The following FAM53B variants were observed in gnomAD, a reference collection of about 807,000 sequenced individuals.
The protein encoded by FAM53B is family with sequence similarity 53 member B.
Under a neutral mutation model 32.7 loss-of-function variants are expected in FAM53B, and 12 were observed. The ratio of observed to expected loss-of-function variants is 0.37; its 90% CI spans 0.24 to 0.59. FAM53B has a LOEUF of 0.59. Ranked by LOEUF, FAM53B falls within the 20% of genes least tolerant of loss-of-function variation. The pLI, the probability that FAM53B is intolerant of heterozygous loss-of-function variation, is 0.72. For missense variants in FAM53B, 477 were observed against 577.7 expected, an observed-to-expected ratio of 0.83 and a Z score of 1.79; for synonymous variants, 234 against 228.7, an observed-to-expected ratio of 1.02 and a Z score of -0.21.
intron 4 of FAM53B, among the ~76,000 whole-genome samples, chr10:124,639,798 T>C (rs1420939904): frequency 6.6e-6 from 1 of 151,960 alleles, no homozygotes; most frequent in East Asian, 1.9e-4. Context: ...TGGAGACAGA[T>C]GCCTGGGGCG....
intron 3 of FAM53B, among the ~76,000 whole-genome samples, chr10:124,694,235 G>A (rs985218360): frequency 3.3e-5 from 5 of 152,236 alleles, no homozygotes; most frequent in Non-Finnish European, 5.9e-5. Context: ...GACCCAGCCA[G>A]CACTTCCTAA....
chr10:124,708,338 C>A (rs1288273549), intron 1 of FAM53B, among the ~76,000 whole-genome samples: 1 of 152,190 alleles, frequency 6.6e-6, no homozygotes, highest in Non-Finnish European at 1.5e-5. Context: ...CTGGCAAGCA[C>A]AGGAAAATTA....
chr10:124,623,745 G>T (rs997653121), intron 4 of FAM53B, 141 bp from the exon 5 acceptor site: 4 of 895,006 alleles, frequency 4.5e-6, no homozygotes, highest in Non-Finnish European at 6.5e-6. Context: ...AGGCAAGGAC[G>T]GGCCCATGAG....
At chr10:124,638,345 T>G (rs949713575) in intron 4 of FAM53B, among the ~76,000 whole-genome samples, 4 of 151,936 alleles carry the variant, frequency 2.6e-5, no homozygotes, top group Admixed American at 6.6e-5. Context: ...ACTCCAGCAC[T>G]CCAGCCTGGG....
chr10:124,739,974 A>AC (rs1564892826), intron 1 of FAM53B, among the ~76,000 whole-genome samples: 2 of 152,168 alleles, frequency 1.3e-5, no homozygotes, highest in African/African-American at 4.8e-5. Flanking sequence ...AACAAAAAAA[A>AC]CGACAAGAAA....
At chr10:124,693,780 T>C (rs1949850525) in intron 3 of FAM53B, among the ~76,000 whole-genome samples, 1 of 152,180 alleles carries the variant, frequency 6.6e-6, no homozygotes, top group Non-Finnish European at 1.5e-5. Context: ...CCTCCACATC[T>C]CACGGGAGTT....
intron 4 of FAM53B, among the ~76,000 whole-genome samples, chr10:124,628,173 G>A (rs1949367940): frequency 6.6e-6 from 1 of 152,182 alleles, no homozygotes; most frequent in Non-Finnish European, 1.5e-5. Flanking sequence ...TAGTGACCCA[G>A]AACCCACTCT....
chr10:124,688,512 C>T (rs1227718824), intron 3 of FAM53B, among the ~76,000 whole-genome samples: 1 of 152,246 alleles, frequency 6.6e-6, no homozygotes, highest in Non-Finnish European at 1.5e-5. Flanking sequence ...GGGCCCAGTT[C>T]TCTCACAGTC....
At chr10:124,661,022 C>T (rs1949627357) in intron 4 of FAM53B, among the ~76,000 whole-genome samples, 1 of 146,462 alleles carries the variant, frequency 6.8e-6, no homozygotes, top group South Asian at 2.1e-4. Flanking sequence ...GCCATGAAAC[C>T]AAAGGCCACC....
chr10:124,726,436 C>G (rs1950103901), intron 1 of FAM53B, among the ~76,000 whole-genome samples: 1 of 152,184 alleles, frequency 6.6e-6, no homozygotes. Flanking sequence ...GAGGCTGAAC[C>G]AACCACCCAG....
chr10:124,684,585 T>C (rs1949791587), intron 3 of FAM53B, among the ~76,000 whole-genome samples: 1 of 152,210 alleles, frequency 6.6e-6, no homozygotes, highest in African/African-American at 2.4e-5. Context: ...AGTGGCATAA[T>C]CTCAGCTCAC....
chr10:124,735,439 G>T (rs1483482457), intron 1 of FAM53B, among the ~76,000 whole-genome samples: 5 of 152,196 alleles, frequency 3.3e-5, no homozygotes, highest in African/African-American at 9.6e-5. Context: ...CAGACACACT[G>T]CAAACTAAAC....
intron 4 of FAM53B, among the ~76,000 whole-genome samples, chr10:124,655,866 T>C (rs1200886063): frequency 1.3e-5 from 2 of 152,202 alleles, no homozygotes; most frequent in African/African-American, 4.8e-5. Context: ...ATTGTCTATC[T>C]GTCTACACTA....
intron 1 of FAM53B, among the ~76,000 whole-genome samples, chr10:124,735,582 C>T (rs1312696122): frequency 1.3e-5 from 2 of 152,250 alleles, no homozygotes; most frequent in African/African-American, 2.4e-5. Context: ...AGTTGAAGTC[C>T]CCTCTGCTCT....
intron 3 of FAM53B, among the ~76,000 whole-genome samples, chr10:124,695,550 C>T (rs964884777): frequency 2.0e-5 from 3 of 152,182 alleles, no homozygotes; most frequent in African/African-American, 7.2e-5. Context: ...TAGGCACTTA[C>T]CTAGCCACTG....
chr10:124,668,052 C>A (rs1175180752), intron 4 of FAM53B, among the ~76,000 whole-genome samples: 1 of 152,216 alleles, frequency 6.6e-6, no homozygotes, highest in Non-Finnish European at 1.5e-5. Flanking sequence ...CCAGGCCAGA[C>A]ACTGCCTTCC....
chr10:124,680,832 G>T (rs1047718586), intron 4 of FAM53B, among the ~76,000 whole-genome samples: 1 of 152,200 alleles, frequency 6.6e-6, no homozygotes, highest in Non-Finnish European at 1.5e-5. Context: ...CCATCCTTGA[G>T]TCAGAGGTCA....
intron 4 of FAM53B, among the ~76,000 whole-genome samples, chr10:124,637,994 C>T (rs1052447568): frequency 6.6e-6 from 1 of 152,204 alleles, no homozygotes; most frequent in African/African-American, 2.4e-5. Context: ...GGGCTGCAAC[C>T]CTGATGCCTG....
chr10:124,630,977 C>A (rs973889232), intron 4 of FAM53B, among the ~76,000 whole-genome samples: 1 of 152,200 alleles, frequency 6.6e-6, no homozygotes, highest in Non-Finnish European at 1.5e-5. Context: ...GGTATCTTGC[C>A]CCAAATCTGA....
Sources: gnomAD v4.1 joint callset for allele counts (sites outside exome capture counted in the v4.1 genomes callset) on GRCh38, gnomAD v4.1.1 for gene constraint, MANE v1.5 for transcripts, NCBI Gene and HGNC (gene_info 2026-07-23, HGNC 2026-07-21) for gene names.